The following CEP170 variants were observed in gnomAD, a reference collection of about 807,000 sequenced individuals.
The protein encoded by CEP170 is centrosomal protein of 170 kDa.
A neutral mutation model predicts 151.9 loss-of-function variants in CEP170; 21 were observed. That is an observed-to-expected ratio of 0.14 (90% confidence interval 0.10 to 0.20). The LOEUF is 0.20. Among genes scored for constraint, CEP170 ranks in the 10% least tolerant of loss-of-function variants. The probability of loss-of-function intolerance (pLI) is 1.00; values close to 1 mark genes in which losing one functional copy is unlikely to be tolerated. For missense variants in CEP170, 964 were observed against 1,892.9 expected, an observed-to-expected ratio of 0.51 and a Z score of 9.11; for synonymous variants, 356 against 648.8, an observed-to-expected ratio of 0.55 and a Z score of 6.86.
rs2059932435 is a variant in CEP170, at chr1:243,186,272, T to C, written c.1259A>G (p.Gln420Arg). The C allele has an allele frequency of 6.2e-7, 1 of 1,613,794 alleles. No homozygotes were observed. The highest frequency in any genetic ancestry group is 8.5e-7 in the Non-Finnish European group (1 of 1,179,702). ...AGTTTGACTTACAACAGCTTGGTCT[T>C]GATGCTTTTCAGTAGCCTGGACCTT... ...LQKVQATEKHQDQAVTSSAHH... is the reference protein window; with the variant it reads ...LQKVQATEKHRDQAVTSSAHH... Residue 420 changes from glutamine (Q) to arginine (R), a missense_variant, in exon 9 of 20, where the codon CAA becomes CGA. Gln to Arg is a conservative substitution (Grantham distance 43). Coordinates refer to ENST00000366542, the MANE Select transcript of CEP170 (RefSeq NM_014812.3).
intron 14 of CEP170, among the ~76,000 whole-genome samples, chr1:243,147,003 C>T (rs559975892): frequency 1.5e-3 from 223 of 151,994 alleles, no homozygotes; most frequent in Non-Finnish European, 2.2e-3. Flanking sequence ...AGAGGCACTC[C>T]AGATGGAATG....
chr1:243,129,469 C>T lies in CEP170; in HGVS notation c.4320-16G>A. The T allele has an allele frequency of 7.3e-7, 1 of 1,378,530 alleles. No homozygotes were observed. The highest frequency in any genetic ancestry group is 9.9e-7 in the Non-Finnish European group (1 of 1,012,746). The allele number at this position is 1,378,530 out of a possible 1,614,324, so 85.4% of individuals were successfully genotyped here. A position where few individuals can be genotyped will look rare whatever the true frequency, so the allele number is the denominator to read the frequency against. On this transcript the variant is annotated splice_polypyrimidine_tract_variant and intron_variant, in intron 17 of 19. Transcript: ENST00000366542. ...AAATAATATTCTATAAATCAAAAAACATAAGCATATAACTTTTTATATTTT... is the reference window on the plus strand; with the variant it reads ...AAATAATATTCTATAAATCAAAAAATATAAGCATATAACTTTTTATATTTT...
At chr1:243,251,843 T>C (rs995445243) in intron 1 of CEP170, among the ~76,000 whole-genome samples, 3 of 152,150 alleles carry the variant, frequency 2.0e-5, no homozygotes, top group Non-Finnish European at 4.4e-5. Flanking sequence ...TCCACCTTTA[T>C]TTGATATAAA....
chr1:243,183,087 T>C (rs1168264921), intron 10 of CEP170, among the ~76,000 whole-genome samples: 1 of 152,036 alleles, frequency 6.6e-6, no homozygotes, highest in Non-Finnish European at 1.5e-5. Flanking sequence ...GCTTTATTTT[T>C]AAAGTCTTGG....
intron 1 of CEP170, among the ~76,000 whole-genome samples, chr1:243,242,844 G>C (rs984010506): frequency 6.6e-6 from 1 of 152,136 alleles, no homozygotes; most frequent in Admixed American, 6.5e-5. Context: ...AGGATTACAG[G>C]CATGCGCCAT....
intron 4 of CEP170, among the ~76,000 whole-genome samples, chr1:243,206,431 C>G (rs12406630): frequency 0.07 from 10,718 of 152,270 alleles, 854 homozygotes; most frequent in East Asian, 0.19. Flanking sequence ...CCATGCCCGG[C>G]CAATATTATC....
chr1:243,170,269 C>T (rs1427988327), intron 11 of CEP170, among the ~76,000 whole-genome samples: 1 of 151,958 alleles, frequency 6.6e-6, no homozygotes, highest in Non-Finnish European at 1.5e-5. Context: ...ACTGTAATCC[C>T]AGCTACTTGG....
At chr1:243,129,929 C>T (rs1370387561) in intron 17 of CEP170, among the ~76,000 whole-genome samples, 1 of 151,654 alleles carries the variant, frequency 6.6e-6, no homozygotes, top group Non-Finnish European at 1.5e-5. Context: ...TACAAATGTT[C>T]TATTTTATTA....
At position 243,149,110 on chromosome 1, in the gene CEP170, T is replaced by C. The variant is rs79564830; in HGVS notation, c.3912-6647A>G. On this transcript the variant is annotated intron_variant, in intron 14 of 19. Coordinates refer to ENST00000366542, the MANE Select transcript of CEP170 (RefSeq NM_014812.3). ...ATTTTTTTAAAGGCACCTCCCATTA[T>C]TGTGAATGAAATGTTTATCGCTACA... Among the ~76,000 whole-genome samples, 710 of 152,278 alleles carry C rather than the reference T, an allele frequency of 4.7e-3. 50 individuals carry two copies. In the East Asian group the frequency reaches 0.11, roughly 24 times the overall value.
intron 4 of CEP170, among the ~76,000 whole-genome samples, chr1:243,203,707 G>A (rs1231298922): frequency 6.6e-6 from 1 of 151,556 alleles, no homozygotes. Flanking sequence ...CATATAATAA[G>A]GCTATCCCTA....
intron 1 of CEP170, among the ~76,000 whole-genome samples, chr1:243,231,799 C>T (rs2063786051): frequency 6.6e-6 from 1 of 152,106 alleles, no homozygotes; most frequent in Non-Finnish European, 1.5e-5. Flanking sequence ...AAGACAAATA[C>T]ATCAATGACA....
At chr1:243,239,285 G>A (rs1300901377) in intron 1 of CEP170, among the ~76,000 whole-genome samples, 7 of 151,968 alleles carry the variant, frequency 4.6e-5, no homozygotes, top group African/African-American at 7.3e-5. Flanking sequence ...TCCCACTCCC[G>A]CTTTAGTTAG....
At chr1:243,203,635 G>A (rs924999754) in intron 4 of CEP170, among the ~76,000 whole-genome samples, 2 of 151,806 alleles carry the variant, frequency 1.3e-5, no homozygotes, top group African/African-American at 4.8e-5. Context: ...TTTCATACAA[G>A]GAAAGATCAG....
chr1:243,237,772 G>A (rs2064386348), intron 1 of CEP170, among the ~76,000 whole-genome samples: 1 of 151,942 alleles, frequency 6.6e-6, no homozygotes, highest in Non-Finnish European at 1.5e-5. Flanking sequence ...GGGCCTTGTG[G>A]CGGGTGCCTG....
At chr1:243,248,620 T>C (rs1448685512) in intron 1 of CEP170, among the ~76,000 whole-genome samples, 1 of 152,192 alleles carries the variant, frequency 6.6e-6, no homozygotes, top group Non-Finnish European at 1.5e-5. Flanking sequence ...AACTAGTAAC[T>C]TTCACTATTG....
At chr1:243,175,837 C>A (rs1456040381) in intron 10 of CEP170, among the ~76,000 whole-genome samples, 1 of 152,186 alleles carries the variant, frequency 6.6e-6, no homozygotes, top group Admixed American at 6.5e-5. Context: ...CGCTTTGTCG[C>A]CCAGGCCGGA....
At chr1:243,180,625 C>T (rs1042599093) in intron 10 of CEP170, among the ~76,000 whole-genome samples, 3 of 152,332 alleles carry the variant, frequency 2.0e-5, no homozygotes, top group African/African-American at 4.8e-5. Flanking sequence ...CCTTCTTCTA[C>T]ATAGATTTTG....
chr1:243,178,954 G>A (rs939269282), intron 10 of CEP170, among the ~76,000 whole-genome samples: 1 of 152,084 alleles, frequency 6.6e-6, no homozygotes, highest in Non-Finnish European at 1.5e-5. Context: ...TCCTGACCTC[G>A]TGATCACCCG....
chr1:243,255,192 C>G lies in CEP170; in HGVS notation c.-194G>C, dbSNP rs2066522860. 1 of 152,936 alleles carries G rather than the reference C, an allele frequency of 6.5e-6. No homozygotes were observed. The highest frequency in any genetic ancestry group is 2.4e-5 in the African/African-American group (1 of 41,456). 9.5% of individuals were successfully genotyped at this position (152,936 alleles called of 1,614,324 possible). A position where few individuals can be genotyped will look rare whatever the true frequency, so the allele number is the denominator to read the frequency against. ...CGGTCGAGCTCCGGGGCCCTCAGCT[C>G]CGCTGGGCAATAACGTTATTCCACA... is the stretch of plus-strand genomic sequence containing the variant. On this transcript the variant is annotated 5_prime_UTR_variant, in exon 1 of 20. Coordinates refer to ENST00000366542, the MANE Select transcript of CEP170 (RefSeq NM_014812.3).
Sources: gnomAD v4.1 joint callset for allele counts (sites outside exome capture counted in the v4.1 genomes callset) on GRCh38, gnomAD v4.1.1 for gene constraint, MANE v1.5 for transcripts, NCBI Gene and HGNC (gene_info 2026-07-23, HGNC 2026-07-21) for gene names.